TUBGCP3: variants seen among roughly 807,000 people sequenced by gnomAD.
TUBGCP3 encodes the protein tubulin gamma complex component 3.
TUBGCP3 carries 50 observed loss-of-function variants against 123.1 expected under a neutral mutation model. The ratio of observed to expected loss-of-function variants is 0.41; its 90% CI spans 0.32 to 0.51. TUBGCP3 has a LOEUF of 0.51. Among genes scored for constraint, TUBGCP3 ranks in the 20% least tolerant of loss-of-function variants. TUBGCP3 has a pLI of 0.36. For synonymous variants in TUBGCP3, 405 were observed against 413.9 expected (o/e 0.98, Z 0.26); for missense variants, 882 against 1,127.0 (o/e 0.78, Z 3.11).
chr13:112,492,159 CT>C (rs530474859), intron 20 of TUBGCP3, among the ~76,000 whole-genome samples: 2 of 152,122 alleles, frequency 1.3e-5, no homozygotes, highest in Non-Finnish European at 2.9e-5. Context: ...AATTATTGTC[CT>C]CCTTCCTTTT....
chr13:112,495,151 A>G (rs1443377969), intron 20 of TUBGCP3, among the ~76,000 whole-genome samples: 2 of 152,200 alleles, frequency 1.3e-5, no homozygotes, highest in African/African-American at 4.8e-5. Context: ...CCAATGTCCT[A>G]GAGTTTCCCC....
At chr13:112,567,906 T>C (rs978440917) in intron 2 of TUBGCP3, among the ~76,000 whole-genome samples, 2 of 151,276 alleles carry the variant, frequency 1.3e-5, no homozygotes, top group Non-Finnish European at 2.9e-5. Flanking sequence ...CAAGGCCAAA[T>C]GGACTTCTAG....
intron 10 of TUBGCP3, 112 bp downstream of exon 10, chr13:112,547,508 G>GGGGGAAAGACGTGCA (rs1879116637): frequency 7.5e-7 from 1 of 1,334,034 alleles, no homozygotes; most frequent in African/African-American, 1.6e-5. Flanking sequence ...CCAGACGCGC[G>GGGGGAAAGACGTGCA]TGGGAAAGAC....
intron 17 of TUBGCP3, among the ~76,000 whole-genome samples, chr13:112,510,160 C>A (rs1229256248): frequency 1.3e-5 from 2 of 152,120 alleles, no homozygotes; most frequent in African/African-American, 4.8e-5. Flanking sequence ...AGCTAAGTGC[C>A]AGGCTCTTCT....
intron 20 of TUBGCP3, among the ~76,000 whole-genome samples, chr13:112,495,141 C>T (rs79475940): frequency 0.013 from 2,022 of 152,266 alleles, 45 homozygotes; most frequent in African/African-American, 0.046. Flanking sequence ...TTTGCCCAGA[C>T]CAATGTCCTA....
At chr13:112,592,343 G>A (rs1410969964), upstream of TUBGCP3, among the ~76,000 whole-genome samples, 1 of 152,196 alleles carries the variant, frequency 6.6e-6, no homozygotes, top group Non-Finnish European at 1.5e-5. This position sits in a 1 kb window ranked among gnomAD's most constrained non-coding sequence, Gnocchi z 4.1. Flanking sequence ...CGGCTGCCAG[G>A]TGCCGGGTGG....
intron 20 of TUBGCP3, among the ~76,000 whole-genome samples, chr13:112,490,571 G>A (rs1393342732): frequency 2.0e-5 from 3 of 152,196 alleles, no homozygotes; most frequent in Non-Finnish European, 4.4e-5. Flanking sequence ...TAATTCACTT[G>A]TCAAATATGG....
chr13:112,558,447 G>C (rs1270223372), intron 4 of TUBGCP3, 34 bp from the exon 5 acceptor site: 2 of 1,489,232 alleles, frequency 1.3e-6, no homozygotes, highest in East Asian at 2.3e-5. Context: ...GCAGAGACAG[G>C]AAATTACAGA....
intron 17 of TUBGCP3, among the ~76,000 whole-genome samples, chr13:112,513,119 C>A (rs1304122481): frequency 6.6e-6 from 1 of 152,142 alleles, no homozygotes; most frequent in Non-Finnish European, 1.5e-5. Flanking sequence ...AGCCTCCATT[C>A]GTTCCCTCCC....
upstream of TUBGCP3, among the ~76,000 whole-genome samples, chr13:112,588,636 G>C (rs940680703): frequency 2.6e-5 from 4 of 152,120 alleles, no homozygotes; most frequent in Non-Finnish European, 5.9e-5. Context: ...GGGACGTCCT[G>C]GGAAAATAAA....
rs372431925 is a variant in TUBGCP3 at position 112,485,981 on chromosome 13, G to A, written c.*12C>T. The A allele has an allele frequency of 4.6e-4, 724 of 1,564,868 alleles. 2 individuals are homozygous for A. In the African/African-American group the frequency reaches 8.8e-3, roughly 19 times the overall value. The stretch of plus-strand genomic sequence containing the variant: ...GAACATCACCCGCAGCTCCCTGGGA[G>A]GACCGCGAGCTTCACGTGTGGGAGC... On this transcript the variant is annotated 3_prime_UTR_variant, in exon 22 of 22. Transcript: ENST00000261965.
intron 1 of TUBGCP3, among the ~76,000 whole-genome samples, chr13:112,580,582 A>T (rs907717709): frequency 2.0e-5 from 3 of 152,236 alleles, no homozygotes; most frequent in African/African-American, 7.2e-5. Flanking sequence ...TTTAAGTTCC[A>T]CACCTAGACA....
intron 9 of TUBGCP3, 118 bp from the exon 10 acceptor site, chr13:112,547,870 C>A: frequency 8.2e-7 from 1 of 1,225,576 alleles, no homozygotes; most frequent in Non-Finnish European, 1.1e-6. Context: ...AAGCCAAAGT[C>A]CCCTTTAAAA....
intron 11 of TUBGCP3, among the ~76,000 whole-genome samples, chr13:112,536,831 G>C (rs1343433878): frequency 6.6e-6 from 1 of 152,026 alleles, no homozygotes; most frequent in African/African-American, 2.4e-5. Flanking sequence ...GAGTGCAGTG[G>C]TACAATCATA....
At chr13:112,523,946 ATACTC>A (rs1876831050) in intron 13 of TUBGCP3, among the ~76,000 whole-genome samples, 1 of 152,196 alleles carries the variant, frequency 6.6e-6, no homozygotes, top group Non-Finnish European at 1.5e-5. Flanking sequence ...TATACTATAA[ATACTC>A]AACAGCAGAA....
chr13:112,583,477 T>A (rs554107471), intron 1 of TUBGCP3, among the ~76,000 whole-genome samples: 15 of 152,180 alleles, frequency 9.9e-5, no homozygotes, highest in Non-Finnish European at 2.1e-4. Context: ...TCAGCTGGAA[T>A]TGCGTTCAGT....
Position 112,545,670 on chromosome 13 carries a change from A to G in TUBGCP3, c.1335+29T>C, listed in dbSNP as rs745607773. 1.3e-6 allele frequency: 2 copies of G among 1,598,932 alleles called. No individual in the cohort carries two copies. The highest frequency in any genetic ancestry group is 2.7e-5 in the African/African-American group (2 of 74,676). On this transcript the variant is annotated intron_variant, in intron 11 of 21. Coordinates refer to ENST00000261965, the MANE Select transcript of TUBGCP3 (RefSeq NM_006322.6). This position sits in a 1 kb window ranked among gnomAD's most constrained non-coding sequence, Gnocchi z 4.1. ...CTGCGTGCCCATGCTTTTTAAATCC[A>G]AGTCTCAGAACCGAACACCGATCCT...
intron 17 of TUBGCP3, among the ~76,000 whole-genome samples, chr13:112,505,585 A>C (rs1031848981): frequency 6.6e-6 from 1 of 152,236 alleles, no homozygotes; most frequent in African/African-American, 2.4e-5. Context: ...CATACTTTTT[A>C]AAAAATACTC....
chr13:112,507,786 A>T (rs1204886127), intron 17 of TUBGCP3, among the ~76,000 whole-genome samples: 2 of 152,162 alleles, frequency 1.3e-5, no homozygotes, highest in East Asian at 3.9e-4. Flanking sequence ...TGCGCTATTT[A>T]TGAAACCAGG....
Sources: allele counts gnomAD v4.1 joint callset (sites outside exome capture counted in the v4.1 genomes callset), GRCh38; gene constraint gnomAD v4.1.1; non-coding constraint Gnocchi (gnomAD v3.1); transcripts MANE v1.5; gene names NCBI Gene and HGNC (gene_info 2026-07-23, HGNC 2026-07-21).